MSI2: variants seen among roughly 807,000 people sequenced by gnomAD.
The protein encoded by MSI2 is musashi RNA binding protein 2.
In MSI2, 17 loss-of-function variants were observed where a neutral mutation model predicts 45.6. The observed-to-expected ratio is 0.37, with a 90% confidence interval of 0.26 to 0.56. The LOEUF (loss-of-function observed/expected upper bound fraction) is 0.56, where lower values mean the gene tolerates loss of function less well. MSI2 is among the 20% of genes least tolerant of loss of function. The pLI is 0.77. For synonymous variants in MSI2, 156 were observed against 158.2 expected (o/e 0.99, Z 0.11); for missense variants, 293 against 444.2 (o/e 0.66, Z 3.06).
chr17:57,299,684 A>G (rs1479492735), intron 5 of MSI2, among the ~76,000 whole-genome samples: 2 of 152,192 alleles, frequency 1.3e-5, no homozygotes, highest in African/African-American at 4.8e-5. Flanking sequence ...AGTTACATCA[A>G]AGATCACAGA....
rs533224755 is a variant in MSI2, at chr17:57,280,242, C to T, written c.312+18050C>T. On this transcript the variant is annotated intron_variant, in intron 5 of 13. Transcript: ENST00000284073. This position sits in a 1 kb window ranked among gnomAD's most constrained non-coding sequence, Gnocchi z 4.2. ...ATCTTAGGAGGGTTGGGGAAGCCAT[C>T]CATTTAAAAGTTTAAGGGATGGGAT... 3.3e-5 allele frequency among the ~76,000 whole-genome samples: 5 copies of T among 152,026 alleles called. No homozygotes were observed. Among genetic ancestry groups the T allele is most frequent in the Non-Finnish European group, 7.4e-5 (5 of 67,998 alleles).
intron 6 of MSI2, among the ~76,000 whole-genome samples, chr17:57,416,102 T>C (rs2084288972): frequency 6.6e-6 from 1 of 152,166 alleles, no homozygotes; most frequent in African/African-American, 2.4e-5. Context: ...GTTGAGAAGA[T>C]AATACTCTCA....
intron 4 of MSI2, among the ~76,000 whole-genome samples, chr17:57,260,479 TGCAATTGTGTGCCG>T (rs1907205481): frequency 6.6e-6 from 1 of 152,150 alleles, no homozygotes; most frequent in Non-Finnish European, 1.5e-5. Flanking sequence ...GATTTCTGAT[TGCAATTGTGTGCCG>T]GCCAACTAAA....
At chr17:57,482,761 G>A (rs964383833) in intron 6 of MSI2, among the ~76,000 whole-genome samples, 5 of 152,188 alleles carry the variant, frequency 3.3e-5, no homozygotes, top group African/African-American at 1.2e-4. Context: ...GACCTCTGAA[G>A]GCTATCTGAA....
At chr17:57,541,274 T>C (rs1038555029) in intron 7 of MSI2, among the ~76,000 whole-genome samples, 3 of 152,042 alleles carry the variant, frequency 2.0e-5, no homozygotes, top group African/African-American at 7.2e-5. Flanking sequence ...CAGTTATGAG[T>C]TGTCAGAATT....
chr17:57,262,402 G>A, intron 5 of MSI2: 1 of 486,826 alleles, frequency 2.1e-6, no homozygotes, highest in Admixed American at 3.7e-5. Context: ...CCACCTGGGG[G>A]CAGGGACAAG....
chr17:57,340,070 G>T (rs1265847011), intron 5 of MSI2, among the ~76,000 whole-genome samples: 4 of 152,202 alleles, frequency 2.6e-5, no homozygotes, highest in Non-Finnish European at 5.9e-5. Context: ...TGTTGACCTT[G>T]AGTGATACTG....
rs546025200 is a variant in MSI2 at position 57,588,122 on chromosome 17, G to A, written c.455-8746G>A. On this transcript the variant is annotated intron_variant, in intron 7 of 13. Coordinates refer to ENST00000284073, the MANE Select transcript of MSI2 (RefSeq NM_138962.4). ...TATTTTGGGGGGAGGGAGGAAGAAG[G>A]ATATCAGGGAGGAGGGAGGGCTGTG... is the stretch of plus-strand genomic sequence containing the variant. 2.6e-5 allele frequency among the ~76,000 whole-genome samples: 4 copies of A among 152,230 alleles called. No homozygotes were observed. The South Asian group carries it at 8.3e-4, about 32-fold the overall frequency.
intron 6 of MSI2, among the ~76,000 whole-genome samples, chr17:57,497,587 G>A (rs1287211942): frequency 6.6e-6 from 1 of 152,200 alleles, no homozygotes; most frequent in Non-Finnish European, 1.5e-5. Flanking sequence ...TATGTCTGAA[G>A]GCCATGTTTT....
At position 57,598,189 on chromosome 17, in the gene MSI2, A is replaced by C. The variant is rs1905455475; in HGVS notation, c.537+1239A>C. ...TTGGCCACGAGAGCCTCCAGCCTCA[A>C]GAGAAGAGGGAGGGCAAATCTGTGT... On this transcript the variant is annotated intron_variant, in intron 8 of 13. Coordinates refer to ENST00000284073, the MANE Select transcript of MSI2 (RefSeq NM_138962.4). Among the ~76,000 whole-genome samples, 3 of 152,248 alleles carry C rather than the reference A, an allele frequency of 2.0e-5. No individual in the cohort carries two copies. The South Asian group carries it at 6.2e-4, about 32-fold the overall frequency.
At chr17:57,297,063 T>C (rs1911022488) in intron 5 of MSI2, among the ~76,000 whole-genome samples, 1 of 152,014 alleles carries the variant, frequency 6.6e-6, no homozygotes, top group South Asian at 2.1e-4. Context: ...TTAGTAGAGA[T>C]GGGGTTTCAC....
At chr17:57,643,909 C>T (rs1910444570) in intron 10 of MSI2, among the ~76,000 whole-genome samples, 2 of 152,234 alleles carry the variant, frequency 1.3e-5, no homozygotes, top group Admixed American at 6.5e-5. Context: ...CCTGAGCCAC[C>T]AACCTCTCAC....
chr17:57,356,355 T>A (rs1247041078), intron 5 of MSI2, among the ~76,000 whole-genome samples: 1 of 152,192 alleles, frequency 6.6e-6, no homozygotes, highest in African/African-American at 2.4e-5. Context: ...CTTAAGCAGA[T>A]TATCCTTGGG....
intron 6 of MSI2, among the ~76,000 whole-genome samples, chr17:57,404,117 AC>A (rs1442796376): frequency 6.6e-6 from 1 of 152,090 alleles, no homozygotes; most frequent in East Asian, 1.9e-4. Flanking sequence ...CCATTTACTC[AC>A]ATTATCTCAT....
At chr17:57,559,004 G>C (rs1218124255) in intron 7 of MSI2, among the ~76,000 whole-genome samples, 1 of 152,200 alleles carries the variant, frequency 6.6e-6, no homozygotes, top group East Asian at 1.9e-4. Context: ...GGAGGTTGCA[G>C]TGAGCCGAGA....
intron 7 of MSI2, chr17:57,532,189 G>C (rs550233930): frequency 1.3e-5 from 2 of 152,432 alleles, no homozygotes; most frequent in African/African-American, 4.8e-5. Context: ...GCCTGCAGTG[G>C]GGGCAGGACC....
Position 57,611,841 on chromosome 17 carries a change from A to G in MSI2, c.538-4129A>G, listed in dbSNP as rs1447213983. Among the ~76,000 whole-genome samples, 2 of 95,040 alleles carry G rather than the reference A, an allele frequency of 2.1e-5. 1 individual carries two copies. Among genetic ancestry groups the G allele is most frequent in the African/African-American group, 6.5e-5 (2 of 30,544 alleles). The allele number at this position is 95,040 out of a possible 152,430, so 62.3% of individuals were successfully genotyped here. ...CCTCAGCCCCAGTCACCACCTGACC[A>G]CAGCGCCATGAGACCACCAGCAAGA... On this transcript the variant is annotated intron_variant, in intron 8 of 13. Transcript: ENST00000284073.
At chr17:57,644,134 G>C (rs1910465512) in intron 10 of MSI2, among the ~76,000 whole-genome samples, 1 of 152,102 alleles carries the variant, frequency 6.6e-6, no homozygotes, top group Non-Finnish European at 1.5e-5. Flanking sequence ...TGGTACCCTT[G>C]GGAATGTCAG....
rs539533079 is a variant in MSI2, at chr17:57,551,864, C to A, written c.454+22140C>A. ...ACTAGAGGTGATTTTATGTGCTGAC[C>A]GCTCCTGTAGAAAGAGAAGCTTAGG... On this transcript the variant is annotated intron_variant, in intron 7 of 13. Coordinates refer to ENST00000284073, the MANE Select transcript of MSI2 (RefSeq NM_138962.4). 3.3e-5 allele frequency among the ~76,000 whole-genome samples: 5 copies of A among 152,232 alleles called. No individual in the cohort carries two copies. In the East Asian group the frequency reaches 9.7e-4, roughly 29 times the overall value.
Sources: allele counts gnomAD v4.1 joint callset (sites outside exome capture counted in the v4.1 genomes callset), GRCh38; gene constraint gnomAD v4.1.1; non-coding constraint Gnocchi (gnomAD v3.1); transcripts MANE v1.5; gene names NCBI Gene and HGNC (gene_info 2026-07-23, HGNC 2026-07-21).